OR3A2: variants seen among roughly 807,000 people sequenced by gnomAD.
The protein encoded by OR3A2 is olfactory receptor 3A2.
For missense variants in OR3A2, 318 were observed against 392.8 expected (o/e 0.81, Z 1.61); for synonymous variants, 126 against 159.3 (o/e 0.79, Z 1.57).
At chr17:3,328,769 G>C (rs1084910) in intron 3 of OR3A2, among the ~76,000 whole-genome samples, 12,573 of 125,460 alleles carry the variant, frequency 0.1, 1,423 homozygotes, top group African/African-American at 0.24. Context: ...TAGCATGAAG[G>C]GTTGTTGAAT....
chr17:3,307,741 C>T (rs192491752), intron 3 of OR3A2, among the ~76,000 whole-genome samples: 162 of 152,270 alleles, frequency 1.1e-3, no homozygotes, highest in African/African-American at 3.3e-3. Context: ...GGATGGCTCA[C>T]GTGAGCTGTG....
At chr17:3,349,582 A>G (rs975208297) in intron 2 of OR3A2, among the ~76,000 whole-genome samples, 4 of 152,064 alleles carry the variant, frequency 2.6e-5, no homozygotes, top group African/African-American at 7.2e-5. Flanking sequence ...CATTAATAAT[A>G]GGAGACTTTA....
intron 3 of OR3A2, among the ~76,000 whole-genome samples, chr17:3,320,580 T>C (rs2049112580): frequency 7.0e-6 from 1 of 142,370 alleles, no homozygotes; most frequent in Admixed American, 7.4e-5. Flanking sequence ...GGGATCCAGT[T>C]TCAGCTTTCT....
chr17:3,311,460 T>C lies in OR3A2; in HGVS notation c.-85+24573A>G, dbSNP rs1292369413. ...TTTGCTGCACTGTCTCCTTCATCAA[T>C]GCTCTGACTCACACAGTGGCTGTGT... is the stretch of plus-strand genomic sequence containing the variant. On this transcript the variant is annotated intron_variant, in intron 3 of 4. Transcript: ENST00000573491. The surrounding 1 kb of genome is among the most constrained non-coding windows in gnomAD (Gnocchi z 4.6). 4.4e-6 allele frequency: 2 copies of C among 455,620 alleles called. No homozygotes were observed. Among genetic ancestry groups the C allele is most frequent in the Admixed American group, 2.4e-5 (1 of 41,388 alleles). The allele number at this position is 455,620 out of a possible 1,614,324, so 28.2% of individuals were successfully genotyped here.
At chr17:3,306,600 A>C (rs1034141211) in intron 3 of OR3A2, among the ~76,000 whole-genome samples, 2 of 150,256 alleles carry the variant, frequency 1.3e-5, no homozygotes, top group African/African-American at 2.5e-5. Context: ...TAGTGTGTGT[A>C]GTCTAGTGAC....
upstream of OR3A2, among the ~76,000 whole-genome samples, chr17:3,288,635 T>C (rs1373514369): frequency 4.6e-5 from 7 of 152,164 alleles, no homozygotes; most frequent in Admixed American, 6.5e-5. Context: ...TTTTCAAATA[T>C]AAAAAGATAT....
chr17:3,348,228 G>A (rs1283689048), intron 2 of OR3A2, among the ~76,000 whole-genome samples: 1 of 152,102 alleles, frequency 6.6e-6, no homozygotes, highest in Non-Finnish European at 1.5e-5. Context: ...TTCTTTTGCT[G>A]TGCAGAAGCT....
At chr17:3,370,115 G>A (rs535664097) in intron 2 of OR3A2, among the ~76,000 whole-genome samples, 6 of 152,180 alleles carry the variant, frequency 3.9e-5, no homozygotes, top group African/African-American at 1.2e-4. Context: ...ATTCTTCTTT[G>A]GATGTCTGAT....
At chr17:3,285,059 A>C (rs1465128306), upstream of OR3A2, among the ~76,000 whole-genome samples, 2 of 151,960 alleles carry the variant, frequency 1.3e-5, no homozygotes, top group Non-Finnish European at 2.9e-5. Context: ...ATGATTCTAG[A>C]GGTGGTGGGA....
chr17:3,332,791 G>T (rs2049248857), intron 3 of OR3A2, among the ~76,000 whole-genome samples: 2 of 152,158 alleles, frequency 1.3e-5, no homozygotes, highest in Admixed American at 1.3e-4. Context: ...ACATTTATCA[G>T]TTCCCAAATA....
chr17:3,357,985 C>T (rs1249953266), intron 2 of OR3A2, among the ~76,000 whole-genome samples: 1 of 151,642 alleles, frequency 6.6e-6, no homozygotes, highest in Non-Finnish European at 1.5e-5. Flanking sequence ...AGAGAGGCCA[C>T]TTAATAACTG....
intron 2 of OR3A2, among the ~76,000 whole-genome samples, chr17:3,346,559 T>A (rs1332427745): frequency 1.3e-5 from 2 of 152,184 alleles, no homozygotes; most frequent in African/African-American, 2.4e-5. Flanking sequence ...TTATACTATT[T>A]CAGTTATTTC....
chr17:3,315,036 C>T (rs567070603), intron 3 of OR3A2, among the ~76,000 whole-genome samples: 1 of 152,310 alleles, frequency 6.6e-6, no homozygotes, highest in South Asian at 2.1e-4. Flanking sequence ...TTTATGGCTG[C>T]ATAGTATTCC....
At chr17:3,328,969 CA>C in intron 3 of OR3A2, among the ~76,000 whole-genome samples, 1 of 151,424 alleles carries the variant, frequency 6.6e-6, no homozygotes, top group East Asian at 1.9e-4. Context: ...TTGAGATAAT[CA>C]TGTGGTTTTT....
In OR3A2 at chr17:3,336,732, C is replaced by T. The variant is rs115937540; in HGVS notation, c.-178-606G>A. ...TTAGCTGCGCTCATACCTGAGATGT[C>T]CTCTTAACTCTTTCCCCTCTAGACT... On this transcript the variant is annotated intron_variant, in intron 2 of 4. Coordinates refer to the OR3A2 transcript ENST00000573491. 5.0e-3 allele frequency among the ~76,000 whole-genome samples: 754 copies of T among 152,238 alleles called. 6 individuals are homozygous for T. Among genetic ancestry groups the T allele is most frequent in the African/African-American group, 0.017 (705 of 41,540 alleles).
chr17:3,300,147 T>A (rs970184838), intron 3 of OR3A2, among the ~76,000 whole-genome samples: 11 of 151,916 alleles, frequency 7.2e-5, no homozygotes, highest in Admixed American at 5.9e-4. Flanking sequence ...TTTTTTTTTT[T>A]TAATCTGCTT....
intron 3 of OR3A2, among the ~76,000 whole-genome samples, chr17:3,298,055 T>C (rs1354041750): frequency 6.6e-6 from 1 of 152,110 alleles, no homozygotes; most frequent in Non-Finnish European, 1.5e-5. Context: ...AGTTAAGACA[T>C]TAGTTAAAAC....
intron 3 of OR3A2, among the ~76,000 whole-genome samples, chr17:3,321,038 A>G (rs1192985462): frequency 2.0e-5 from 3 of 151,960 alleles, no homozygotes; most frequent in African/African-American, 7.3e-5. Flanking sequence ...ATTTCTTTGT[A>G]TCCTCTTTTA....
intron 3 of OR3A2, among the ~76,000 whole-genome samples, chr17:3,293,025 T>G (rs1369816326): frequency 6.6e-6 from 1 of 151,984 alleles, no homozygotes; most frequent in East Asian, 1.9e-4. Flanking sequence ...AACTAGTAAG[T>G]GTCCACAACC....
Sources: allele counts gnomAD v4.1 joint callset (sites outside exome capture counted in the v4.1 genomes callset), GRCh38; gene constraint gnomAD v4.1.1; non-coding constraint Gnocchi (gnomAD v3.1); transcripts MANE v1.5; gene names NCBI Gene and HGNC (gene_info 2026-07-23, HGNC 2026-07-21).